LDLRAD4: variants seen among roughly 807,000 people sequenced by gnomAD.
LDLRAD4 encodes low-density lipoprotein receptor class A domain-containing protein 4.
LDLRAD4 carries 5 observed loss-of-function variants against 17.0 expected under a neutral mutation model. That is an observed-to-expected ratio of 0.29 (90% confidence interval 0.15 to 0.62). LDLRAD4 has a LOEUF of 0.62. LDLRAD4 is among the 20% of genes least tolerant of loss of function. LDLRAD4 has a pLI of 0.84. For synonymous variants in LDLRAD4, 168 were observed against 171.8 expected, an observed-to-expected ratio of 0.98 and a Z score of 0.17; for missense variants, 340 against 424.7, an observed-to-expected ratio of 0.80 and a Z score of 1.75.
At chr18:13,382,885 C>T (rs977912560) in intron 1 of LDLRAD4, among the ~76,000 whole-genome samples, 4 of 152,242 alleles carry the variant, frequency 2.6e-5, no homozygotes, top group Admixed American at 1.3e-4. Flanking sequence ...CAGTGTTGGG[C>T]GCAGTTCTTG....
In LDLRAD4 at chr18:13,367,588, G is replaced by T. The variant is rs553998710; in HGVS notation, c.-382-19753G>T. 6.6e-6 allele frequency among the ~76,000 whole-genome samples: 1 copy of T among 152,324 alleles called. No individual in the cohort carries two copies. Among genetic ancestry groups the T allele is most frequent in the African/African-American group, 2.4e-5 (1 of 41,586 alleles). On this transcript the variant is annotated intron_variant, in intron 1 of 5. Coordinates refer to ENST00000359446, the Ensembl canonical transcript of LDLRAD4. This position sits in a 1 kb window ranked among gnomAD's most constrained non-coding sequence, Gnocchi z 4.1. ...GCAGTGCCAAGCGAGTGGACAGAGG[G>T]TCTGCAGGCCACTCAGTGGCTGAGA...
chr18:13,499,717 C>T (rs150396781), intron 3 of LDLRAD4, among the ~76,000 whole-genome samples: 63 of 150,722 alleles, frequency 4.2e-4, no homozygotes, highest in Admixed American at 1.3e-3. Flanking sequence ...ACACATGTCC[C>T]GCCGTGGACA....
At chr18:13,513,031 T>C (rs976713965) in intron 3 of LDLRAD4, among the ~76,000 whole-genome samples, 2 of 152,220 alleles carry the variant, frequency 1.3e-5, no homozygotes, top group African/African-American at 4.8e-5. Flanking sequence ...TCAGCAGCAG[T>C]TCCTTTAAAC....
intron 3 of LDLRAD4, among the ~76,000 whole-genome samples, chr18:13,457,828 C>T (rs77472278): frequency 0.01 from 1,526 of 152,288 alleles, 26 homozygotes; most frequent in African/African-American, 0.034. Context: ...TATTTCAGTG[C>T]TGGTCTGACT....
At chr18:13,226,503 C>G (rs7228009) in intron 1 of LDLRAD4, among the ~76,000 whole-genome samples, 54,223 of 151,566 alleles carry the variant, frequency 0.36, 10,012 homozygotes, top group Non-Finnish European at 0.4. Context: ...TTTAAAAAAC[C>G]TTTGCAAATT....
intron 3 of LDLRAD4, among the ~76,000 whole-genome samples, chr18:13,477,328 G>A (rs1186142130): frequency 9.9e-5 from 15 of 152,190 alleles, no homozygotes; most frequent in Admixed American, 9.8e-4. Flanking sequence ...CATGAGGTGG[G>A]AAATGCACGC....
intron 3 of LDLRAD4, among the ~76,000 whole-genome samples, chr18:13,559,330 A>G (rs937736335): frequency 6.6e-6 from 1 of 152,222 alleles, no homozygotes; most frequent in African/African-American, 2.4e-5. Flanking sequence ...GATAAATCCC[A>G]GAGACCTGGA....
chr18:13,233,115 G>A (rs2042163521), intron 1 of LDLRAD4, among the ~76,000 whole-genome samples: 1 of 152,246 alleles, frequency 6.6e-6, no homozygotes, highest in South Asian at 2.1e-4. Flanking sequence ...GATGGAGCTT[G>A]CCACCAGTGG....
chr18:13,545,491 G>A (rs932134608), intron 3 of LDLRAD4, among the ~76,000 whole-genome samples: 5 of 152,110 alleles, frequency 3.3e-5, no homozygotes, highest in African/African-American at 9.7e-5. Context: ...ATTGACCAGC[G>A]AGAGAATCAT....
chr18:13,510,070 T>G (rs2093753506), intron 3 of LDLRAD4, among the ~76,000 whole-genome samples: 1 of 152,238 alleles, frequency 6.6e-6, no homozygotes, highest in South Asian at 2.1e-4. Context: ...TGTTGCAATA[T>G]TCACTTTATT....
chr18:13,523,305 G>T (rs551126296), intron 3 of LDLRAD4, among the ~76,000 whole-genome samples: 3 of 152,202 alleles, frequency 2.0e-5, no homozygotes, highest in African/African-American at 4.8e-5. Context: ...GTCTAATCAG[G>T]TGAGTCTTTA....
At chr18:13,436,237 AG>A in intron 2 of LDLRAD4, among the ~76,000 whole-genome samples, 1 of 152,336 alleles carries the variant, frequency 6.6e-6, no homozygotes, top group East Asian at 1.9e-4. Context: ...TTCACTTCCG[AG>A]TTTCCATGTC....
chr18:13,611,842 C>T lies in LDLRAD4; in HGVS notation c.182-9275C>T, dbSNP rs529119306. ...TCCTGCTGCGGTTAGGACCTCACGC[C>T]TTGCCAGTACAGAGCTCGGTGGCAA... On this transcript the variant is annotated intron_variant, in intron 3 of 5. Transcript: ENST00000359446. The T allele has an allele frequency of 6.6e-5, 65 of 985,468 alleles. No homozygotes were observed. The African/African-American group carries it at 1.0e-3, about 16-fold the overall frequency. The allele number at this position is 985,468 out of a possible 1,614,324, so 61.0% of individuals were successfully genotyped here.
At chr18:13,320,845 A>G (rs1461461861) in intron 1 of LDLRAD4, among the ~76,000 whole-genome samples, 1 of 152,160 alleles carries the variant, frequency 6.6e-6, no homozygotes, top group Admixed American at 6.5e-5. Context: ...TTCAAGTTTA[A>G]TTCAGGAGTT....
At chr18:13,459,784 AAAG>A (rs2092340850) in intron 3 of LDLRAD4, among the ~76,000 whole-genome samples, 1 of 152,216 alleles carries the variant, frequency 6.6e-6, no homozygotes, top group African/African-American at 2.4e-5. Flanking sequence ...GCTTAAATAA[AAAG>A]AAGAAAACCC....
At chr18:13,333,710 A>C (rs986495486) in intron 1 of LDLRAD4, among the ~76,000 whole-genome samples, 2 of 152,192 alleles carry the variant, frequency 1.3e-5, no homozygotes, top group African/African-American at 4.8e-5. Context: ...AGATCAATTG[A>C]CTATTTTTAT....
chr18:13,340,011 G>C (rs977174925), intron 1 of LDLRAD4, among the ~76,000 whole-genome samples: 1 of 152,066 alleles, frequency 6.6e-6, no homozygotes, highest in African/African-American at 2.4e-5. Context: ...TACTCTAGGA[G>C]CCTTGTAAGT....
intron 3 of LDLRAD4, among the ~76,000 whole-genome samples, chr18:13,446,708 C>T (rs764122886): frequency 8.5e-5 from 13 of 152,224 alleles, no homozygotes; most frequent in African/African-American, 1.2e-4. Flanking sequence ...CGAGAGGCAG[C>T]GTGGCTTCAG....
rs118025339 is a variant in LDLRAD4, at chr18:13,452,245, C to T, written c.181+13861C>T. 8.2e-4 allele frequency among the ~76,000 whole-genome samples: 124 copies of T among 152,140 alleles called. 2 individuals are homozygous for T. In the East Asian group the frequency reaches 0.021, roughly 26 times the overall value. On this transcript the variant is annotated intron_variant, in intron 3 of 5. Transcript: ENST00000359446. ...ATAGGGAGGGAAGTCAGAGTGTGCC[C>T]GGCACAGCAGGGTCCCAGTGTGGTG...
Sources: allele counts gnomAD v4.1 joint callset (sites outside exome capture counted in the v4.1 genomes callset), GRCh38; gene constraint gnomAD v4.1.1; non-coding constraint Gnocchi (gnomAD v3.1); transcripts MANE v1.5; gene names NCBI Gene and HGNC (gene_info 2026-07-23, HGNC 2026-07-21).